The following ZNF365 variants were observed in gnomAD, a reference collection of about 807,000 sequenced individuals.
The protein encoded by ZNF365 is zinc finger protein 365, also known as protein ZNF365.
ZNF365 carries 22 observed loss-of-function variants against 35.0 expected under a neutral mutation model. The observed-to-expected ratio is 0.63, with a 90% CI of 0.45 to 0.90. The LOEUF (loss-of-function observed/expected upper bound fraction) is 0.90, where lower values mean the gene tolerates loss of function less well. Ranked by LOEUF, ZNF365 falls within the 40% of genes least tolerant of loss-of-function variation. The pLI, the probability that ZNF365 is intolerant of heterozygous loss-of-function variation, is 0.00. For missense variants in ZNF365, 448 were observed against 500.3 expected (o/e 0.90, Z 1.00); for synonymous variants, 188 against 196.2 (o/e 0.96, Z 0.35).
At chr10:62,404,537 T>C (rs1839876424), downstream of ZNF365, among the ~76,000 whole-genome samples, 1 of 152,202 alleles carries the variant, frequency 6.6e-6, no homozygotes, top group African/African-American at 2.4e-5. Flanking sequence ...TTGTTCTTTT[T>C]AGAACCATGA....
At chr10:62,414,980 C>A (rs1840049882) in intron 3 of ZNF365, among the ~76,000 whole-genome samples, 1 of 152,170 alleles carries the variant, frequency 6.6e-6, no homozygotes, top group Non-Finnish European at 1.5e-5. Context: ...CTGTCAAACT[C>A]ATAATTTCAG....
chr10:62,456,469 A>G (rs992467974), intron 3 of ZNF365, among the ~76,000 whole-genome samples: 1 of 151,538 alleles, frequency 6.6e-6, no homozygotes, highest in Non-Finnish European at 1.5e-5. Flanking sequence ...ATTTATTTCT[A>G]TCATTGGTTA....
chr10:62,479,832 A>T (rs763303608), intron 4 of ZNF365: 1 of 1,359,056 alleles, frequency 7.4e-7, no homozygotes. Flanking sequence ...GCACCTAGAT[A>T]CCACTGCAAC....
chr10:62,476,372 G>T (rs182178313), intron 4 of ZNF365, among the ~76,000 whole-genome samples: 138 of 152,224 alleles, frequency 9.1e-4, no homozygotes, highest in African/African-American at 3.1e-3. Context: ...TTCCTCCCAG[G>T]TATTAAAAAA....
chr10:62,421,268 A>G (rs1013077090), intron 3 of ZNF365, among the ~76,000 whole-genome samples: 24 of 152,204 alleles, frequency 1.6e-4, no homozygotes, highest in African/African-American at 5.8e-4. Flanking sequence ...TTGATGAAAG[A>G]TCGTACAACA....
At chr10:62,471,359 C>T (rs1841034371) in intron 4 of ZNF365, among the ~76,000 whole-genome samples, 2 of 129,396 alleles carry the variant, frequency 1.5e-5, no homozygotes, top group Non-Finnish European at 3.1e-5. Context: ...GAGCAAGACT[C>T]TGTCTCAAAA....
At chr10:62,434,199 G>A (rs1489126625) in intron 3 of ZNF365, among the ~76,000 whole-genome samples, 1 of 152,102 alleles carries the variant, frequency 6.6e-6, no homozygotes, top group East Asian at 1.9e-4. Flanking sequence ...GACAAGTTTG[G>A]GAAACATTGA....
intron 3 of ZNF365, among the ~76,000 whole-genome samples, chr10:62,396,250 GA>G (rs143492968): frequency 2.8e-3 from 421 of 152,302 alleles, no homozygotes; most frequent in Non-Finnish European, 4.9e-3. Flanking sequence ...GTATGTACAT[GA>G]ACACATAGTT....
intron 4 of ZNF365, 147 bp downstream of exon 4, chr10:62,398,924 G>A (rs1839776884): frequency 4.0e-6 from 3 of 743,092 alleles, no homozygotes; most frequent in Non-Finnish European, 6.4e-6. Context: ...TGACCTGCAT[G>A]TGTATCTAAC....
At chr10:62,463,351 T>A (rs934428027) in intron 4 of ZNF365, among the ~76,000 whole-genome samples, 7 of 152,220 alleles carry the variant, frequency 4.6e-5, no homozygotes, top group Non-Finnish European at 1.0e-4. Flanking sequence ...CCTCACTTAT[T>A]TGGGCTGGCA....
At chr10:62,424,318 G>C (rs953888727) in intron 3 of ZNF365, among the ~76,000 whole-genome samples, 1 of 152,080 alleles carries the variant, frequency 6.6e-6, no homozygotes, top group African/African-American at 2.4e-5. Flanking sequence ...CTTTTTGCAG[G>C]CACCAGTACC....
At chr10:62,464,213 C>T (rs971211424) in intron 4 of ZNF365, among the ~76,000 whole-genome samples, 4 of 152,174 alleles carry the variant, frequency 2.6e-5, no homozygotes, top group African/African-American at 9.7e-5. Flanking sequence ...TTCTTCCTGC[C>T]TTGCTAATTC....
At chr10:62,451,139 C>T (rs1302706959) in intron 3 of ZNF365, among the ~76,000 whole-genome samples, 7 of 152,144 alleles carry the variant, frequency 4.6e-5, no homozygotes, top group South Asian at 4.1e-4. Context: ...TGTGAGCAAA[C>T]TCGTGCGTGT....
chr10:62,411,969 G>A (rs1463618544), intron 3 of ZNF365, among the ~76,000 whole-genome samples: 3 of 151,944 alleles, frequency 2.0e-5, no homozygotes, highest in African/African-American at 7.3e-5. Flanking sequence ...CCCAAAACTA[G>A]CAGAAGACAA....
At chr10:62,415,740 C>A (rs145776022) in intron 3 of ZNF365, among the ~76,000 whole-genome samples, 57 of 152,272 alleles carry the variant, frequency 3.7e-4, no homozygotes, top group African/African-American at 1.3e-3. Context: ...GGCTCCTCAT[C>A]TTCAATTCTC....
intron 4 of ZNF365, chr10:62,459,940 C>A: frequency 1.4e-6 from 1 of 701,806 alleles, no homozygotes. Flanking sequence ...TCTCCTTCTC[C>A]CAAGTCATCA....
intron 4 of ZNF365, among the ~76,000 whole-genome samples, chr10:62,476,957 T>C (rs73282658): frequency 6.6e-6 from 1 of 152,184 alleles, no homozygotes; most frequent in African/African-American, 2.4e-5. Flanking sequence ...ATCTTAAAAT[T>C]AGATTTACTA....
intron 2 of ZNF365, among the ~76,000 whole-genome samples, chr10:62,377,360 C>A (rs1839355065): frequency 6.6e-6 from 1 of 152,162 alleles, no homozygotes; most frequent in Admixed American, 6.5e-5. Flanking sequence ...GTCTTAAGTT[C>A]AAAAACATTC....
At chr10:62,441,267 C>G (rs965885122) in intron 3 of ZNF365, among the ~76,000 whole-genome samples, 1 of 152,124 alleles carries the variant, frequency 6.6e-6, no homozygotes, top group African/African-American at 2.4e-5. Context: ...ATACTTAGAA[C>G]CATTCTACAC....
Sources: gnomAD v4.1 joint callset for allele counts (sites outside exome capture counted in the v4.1 genomes callset) on GRCh38, gnomAD v4.1.1 for gene constraint, MANE v1.5 for transcripts, NCBI Gene and HGNC (gene_info 2026-07-23, HGNC 2026-07-21) for gene names.